The following ACSM3 variants were observed in gnomAD, a reference collection of about 807,000 sequenced individuals.
The protein encoded by ACSM3 is acyl-CoA synthetase medium chain family member 3, also known as acyl-coenzyme A synthetase ACSM3, mitochondrial.
In ACSM3, 61 loss-of-function variants were observed where a neutral mutation model predicts 74.1. The ratio of observed to expected loss-of-function variants is 0.82; its 90% CI spans 0.67 to 1.02. The LOEUF (loss-of-function observed/expected upper bound fraction) is 1.02, where lower values mean the gene tolerates loss of function less well. ACSM3 is among the 50% of genes least tolerant of loss of function. The pLI is 0.00. For missense variants in ACSM3, 660 were observed against 697.0 expected, an observed-to-expected ratio of 0.95 and a Z score of 0.60; for synonymous variants, 213 against 241.5, an observed-to-expected ratio of 0.88 and a Z score of 1.09.
At chr16:20,708,140 A>C (rs918593939) in intron 1 of ACSM3, among the ~76,000 whole-genome samples, 1 of 152,162 alleles carries the variant, frequency 6.6e-6, no homozygotes. Context: ...CACTCTACTA[A>C]ACATACAAAA....
At chr16:20,705,338 ACTC>A (rs2079723942) in intron 1 of ACSM3, among the ~76,000 whole-genome samples, 1 of 148,546 alleles carries the variant, frequency 6.7e-6, no homozygotes, top group African/African-American at 2.5e-5. Flanking sequence ...GAGCCACTGC[ACTC>A]CAGCCTGGGC....
chr16:20,677,226 TA>T (rs34392148), intron 1 of ACSM3, among the ~76,000 whole-genome samples: 366 of 129,856 alleles, frequency 2.8e-3, no homozygotes, highest in Middle Eastern at 0.016. Context: ...TTAAAGAAAT[TA>T]AAAAAAAAAA....
At chr16:20,707,264 C>T (rs1206124027) in intron 1 of ACSM3, among the ~76,000 whole-genome samples, 2 of 152,174 alleles carry the variant, frequency 1.3e-5, no homozygotes, top group African/African-American at 2.4e-5. Context: ...TGCCCAGGGA[C>T]CCACTGTGAG....
intron 1 of ACSM3, among the ~76,000 whole-genome samples, chr16:20,704,545 T>A (rs1305169609): frequency 6.6e-6 from 1 of 152,190 alleles, no homozygotes; most frequent in African/African-American, 2.4e-5. Context: ...TTCCAGGAAG[T>A]GTAAATGCTC....
intron 1 of ACSM3, chr16:20,685,414 C>T (rs372556564): frequency 1.9e-6 from 3 of 1,611,874 alleles, no homozygotes; most frequent in African/African-American, 2.7e-5. Context: ...CTGGTCAAGA[C>T]CATATATTAT....
intron 1 of ACSM3, among the ~76,000 whole-genome samples, chr16:20,676,868 TA>T (rs931329133): frequency 2.1e-4 from 31 of 150,568 alleles, no homozygotes; most frequent in Non-Finnish European, 3.4e-4. Flanking sequence ...GGCCATGGTA[TA>T]AAAAAAAACC....
intron 1 of ACSM3, among the ~76,000 whole-genome samples, chr16:20,768,204 G>A (rs751787319): frequency 3.3e-5 from 5 of 152,108 alleles, no homozygotes; most frequent in Non-Finnish European, 5.9e-5. Context: ...TCTATTAGTC[G>A]CTCCATTGGT....
In ACSM3 at chr16:20,781,694, T is replaced by C; in HGVS notation, c.940-14T>C. On this transcript the variant is annotated splice_polypyrimidine_tract_variant and intron_variant, in intron 6 of 13. Transcript: ENST00000289416. Reference sequence around the variant, plus strand: ...TTGTAGTAAGACCAAGAGTTTGCTTTTTCTAAATTGCAGACACTCTCCAAG... The same window carrying C: ...TTGTAGTAAGACCAAGAGTTTGCTTCTTCTAAATTGCAGACACTCTCCAAG... The C allele has an allele frequency of 6.2e-7, 1 of 1,603,374 alleles. No homozygotes were observed. Among genetic ancestry groups the C allele is most frequent in the Non-Finnish European group, 8.5e-7 (1 of 1,170,316 alleles).
intron 1 of ACSM3, chr16:20,711,606 TC>T: frequency 8.2e-7 from 1 of 1,216,308 alleles, no homozygotes; most frequent in Non-Finnish European, 1.2e-6. Flanking sequence ...CACTGGAGTG[TC>T]CTGACTTTAA....
At chr16:20,691,836 TCTCC>T (rs1200829350) in intron 1 of ACSM3, among the ~76,000 whole-genome samples, 1 of 151,510 alleles carries the variant, frequency 6.6e-6, no homozygotes, top group Non-Finnish European at 1.5e-5. Context: ...TATCAGGCTG[TCTCC>T]CTCTGGTGGA....
rs187498511 is a variant in ACSM3, at chr16:20,770,546, G to C, written c.219+293G>C. Reference sequence around the variant, plus strand: ...AGGTTGACTTAAAAAAAAAAAAGGAGAAGAGTGAAAAGTAATTCCAAGAGT... The same window carrying C: ...AGGTTGACTTAAAAAAAAAAAAGGACAAGAGTGAAAAGTAATTCCAAGAGT... On this transcript the variant is annotated intron_variant, in intron 2 of 13. Transcript: ENST00000289416. Among the ~76,000 whole-genome samples, 511 of 151,968 alleles carry C rather than the reference G, an allele frequency of 3.4e-3. 2 individuals carry two copies. Among genetic ancestry groups the C allele is most frequent in the African/African-American group, 0.012 (504 of 41,448 alleles).
chr16:20,714,687 C>T (rs868176618), intron 1 of ACSM3, among the ~76,000 whole-genome samples: 4 of 151,984 alleles, frequency 2.6e-5, no homozygotes, highest in African/African-American at 9.7e-5. Context: ...TGGGTACCAT[C>T]GGTTGGAGAG....
Position 20,777,474 on chromosome 16 carries a change from G to A in ACSM3, c.532G>A (p.Ala178Thr). 1 of 1,613,994 alleles carries A rather than the reference G, an allele frequency of 6.2e-7. No homozygotes were observed. Among genetic ancestry groups the A allele is most frequent in the Non-Finnish European group, 8.5e-7 (1 of 1,179,968 alleles). The change falls in exon 4 of 14, where the codon GCC (alanine) becomes ACC (threonine). Residue 178 changes from alanine to threonine, a missense_variant. Physicochemically the swap from Ala to Thr is moderately conservative, Grantham distance 58. Transcript: ENST00000289416. ...CTGCATTATCACCAATGATGTTTTA[G>A]CCCCAGCAGTAGACGCTGTTGCATC... ...ANCIITNDVLAPAVDAVASKC... is the reference protein window; with the variant it reads ...ANCIITNDVLTPAVDAVASKC...
At chr16:20,753,229 C>T (rs2080002100) in intron 2 of ACSM3, among the ~76,000 whole-genome samples, 1 of 151,740 alleles carries the variant, frequency 6.6e-6, no homozygotes, top group Non-Finnish European at 1.5e-5. Context: ...CTTTGGGAGC[C>T]GAGGTGGGCA....
chr16:20,777,699 T>C, intron 4 of ACSM3, 119 bp downstream of exon 4: 1 of 863,566 alleles, frequency 1.2e-6, no homozygotes, highest in Non-Finnish European at 1.8e-6. Context: ...AGGGAACAGT[T>C]GGTAGTTATT....
In ACSM3 at chr16:20,688,637, G is replaced by GA. The variant is rs199595975; in HGVS notation, c.-190+13824dup. On this transcript the variant is annotated intron_variant, in intron 1 of 3. Transcript: ENST00000561584. Reference sequence around the variant, plus strand: ...GGATGATATATTTAAAGGGCTTAAAGAAAAAAAAAGCCAACCAAGAATTTT... The same window carrying GA: ...GGATGATATATTTAAAGGGCTTAAAGAAAAAAAAAAGCCAACCAAGAATTTT... 7.7e-4 allele frequency among the ~76,000 whole-genome samples: 116 copies of GA among 150,344 alleles called. 1 individual carries two copies. The East Asian group carries it at 0.02, about 26-fold the overall frequency.
chr16:20,762,004 G>A (rs533090331), upstream of ACSM3, among the ~76,000 whole-genome samples: 8 of 152,312 alleles, frequency 5.3e-5, no homozygotes, highest in African/African-American at 1.2e-4. Flanking sequence ...ACAAAACCTC[G>A]GAAGCATGCC....
chr16:20,707,130 A>G (rs2079730246), intron 1 of ACSM3, among the ~76,000 whole-genome samples: 1 of 152,118 alleles, frequency 6.6e-6, no homozygotes, highest in South Asian at 2.1e-4. Flanking sequence ...GCCAGGGAAT[A>G]GCTGGGAGAC....
At chr16:20,759,578 A>AAG (rs1176125921), upstream of ACSM3, among the ~76,000 whole-genome samples, 2 of 144,196 alleles carry the variant, frequency 1.4e-5, no homozygotes, top group South Asian at 2.2e-4. Flanking sequence ...AAAAAAAAAA[A>AAG]GGGCTGGGTT....
Sources: allele counts gnomAD v4.1 joint callset (sites outside exome capture counted in the v4.1 genomes callset), GRCh38; gene constraint gnomAD v4.1.1; transcripts MANE v1.5; gene names NCBI Gene and HGNC (gene_info 2026-07-23, HGNC 2026-07-21).